The following ACOT11 variants were observed in gnomAD, a reference collection of about 807,000 sequenced individuals.
ACOT11 encodes acyl-CoA thioesterase 11, also known as acyl-coenzyme A thioesterase 11.
Under a neutral mutation model 77.5 loss-of-function variants are expected in ACOT11, and 69 were observed. The ratio of observed to expected loss-of-function variants is 0.89; its 90% confidence interval spans 0.73 to 1.09. The LOEUF is 1.09. Among genes scored for constraint, ACOT11 ranks in the 50% least tolerant of loss-of-function variants. ACOT11 has a pLI of 0.00. For synonymous variants in ACOT11, 279 were observed against 313.0 expected (o/e 0.89, Z 1.15); for missense variants, 766 against 813.7 (o/e 0.94, Z 0.71).
intron 1 of ACOT11, among the ~76,000 whole-genome samples, chr1:54,575,852 G>A (rs1341004361): frequency 1.3e-5 from 2 of 152,234 alleles, no homozygotes; most frequent in African/African-American, 4.8e-5. Context: ...CCAGTGCTGG[G>A]AGATGGCAAG....
At chr1:54,619,704 G>A (rs1482201063) in intron 15 of ACOT11, among the ~76,000 whole-genome samples, 5 of 152,154 alleles carry the variant, frequency 3.3e-5, no homozygotes, top group Non-Finnish European at 7.3e-5. Flanking sequence ...ACAACCTTGA[G>A]CTGGTCACTT....
chr1:54,557,865 TTC>T (rs541759718), intron 1 of ACOT11, among the ~76,000 whole-genome samples: 116 of 152,322 alleles, frequency 7.6e-4, no homozygotes, highest in African/African-American at 2.6e-3. Flanking sequence ...TGCCTTTTAT[TTC>T]TCTCTCTTGC....
At chr1:54,554,299 G>GTA (rs2100936751) in intron 1 of ACOT11, among the ~76,000 whole-genome samples, 1 of 64,526 alleles carries the variant, frequency 1.5e-5, no homozygotes, top group East Asian at 3.8e-4. Context: ...TAGTGTGTGT[G>GTA]TGTGTGTGTG....
At chr1:54,566,291 T>C (rs1653727603) in intron 1 of ACOT11, among the ~76,000 whole-genome samples, 1 of 152,116 alleles carries the variant, frequency 6.6e-6, no homozygotes, top group Non-Finnish European at 1.5e-5. Context: ...ACCCCATCTC[T>C]ACTAAAAATA....
intron 1 of ACOT11, among the ~76,000 whole-genome samples, chr1:54,571,052 A>G (rs1335840456): frequency 6.8e-6 from 1 of 146,308 alleles, no homozygotes; most frequent in Non-Finnish European, 1.5e-5. Flanking sequence ...TTGAATCCCA[A>G]TTATGATATT....
intron 1 of ACOT11, among the ~76,000 whole-genome samples, chr1:54,571,347 G>A (rs1022583149): frequency 6.6e-6 from 1 of 152,192 alleles, no homozygotes; most frequent in South Asian, 2.1e-4. Flanking sequence ...CTCTGAGACA[G>A]TGTAGGAAAA....
At chr1:54,585,774 T>G in intron 2 of ACOT11, 61 bp from the exon 3 acceptor site, 1 of 1,580,822 alleles carries the variant, frequency 6.3e-7, no homozygotes, top group Non-Finnish European at 8.7e-7. Context: ...AGGTGCCATC[T>G]GAGCAGAGGC....
chr1:54,573,375 T>TG, intron 1 of ACOT11: 1 of 320,368 alleles, frequency 3.1e-6, no homozygotes, highest in Non-Finnish European at 4.5e-6. Context: ...ATCTGTAAAA[T>TG]GGGAATAATA....
At chr1:54,617,461 TA>T (rs35936174) in intron 15 of ACOT11, among the ~76,000 whole-genome samples, 41,058 of 133,814 alleles carry the variant, frequency 0.31, 6,198 homozygotes, top group South Asian at 0.45. Flanking sequence ...CACTTTCTGT[TA>T]AAAAAAAAAA....
intron 15 of ACOT11, among the ~76,000 whole-genome samples, chr1:54,625,019 G>A (rs539497117): frequency 1.3e-5 from 2 of 152,026 alleles, no homozygotes; most frequent in Admixed American, 1.3e-4. Flanking sequence ...GCTGGTCGGG[G>A]CATGTGTGGT....
intron 15 of ACOT11, chr1:54,623,360 G>C (rs1557676085): frequency 6.2e-7 from 1 of 1,613,894 alleles, no homozygotes; most frequent in Admixed American, 1.7e-5. Context: ...ACACCCACTT[G>C]ACCTGATTCT....
At chr1:54,563,656 C>G (rs12562464) in intron 1 of ACOT11, among the ~76,000 whole-genome samples, 19 of 152,272 alleles carry the variant, frequency 1.2e-4, no homozygotes, top group African/African-American at 4.1e-4. Context: ...GGCTCAGTGG[C>G]TCATGCCTGT....
intron 1 of ACOT11, among the ~76,000 whole-genome samples, chr1:54,549,091 T>C (rs558726353): frequency 3.3e-5 from 5 of 152,106 alleles, no homozygotes; most frequent in Non-Finnish European, 5.9e-5. Context: ...AAATGTCTTA[T>C]CTATCCTCTC....
intron 1 of ACOT11, among the ~76,000 whole-genome samples, chr1:54,568,593 A>G (rs1252062469): frequency 6.6e-6 from 1 of 151,488 alleles, no homozygotes; most frequent in East Asian, 1.9e-4. Context: ...CCAGCTCCCA[A>G]CCTCAGGTGA....
intron 15 of ACOT11, chr1:54,623,266 G>A (rs1297899688): frequency 6.9e-6 from 11 of 1,596,232 alleles, no homozygotes; most frequent in Non-Finnish European, 9.4e-6. Flanking sequence ...TGACATGGGG[G>A]GAGGCACCTA....
chr1:54,562,815 C>T lies in ACOT11; in HGVS notation c.33+14473C>T, dbSNP rs1196852614. On this transcript the variant is annotated intron_variant, in intron 1 of 15. Transcript: ENST00000343744. ...CCCCACATCTCAGACGATGGGCGGC[C>T]GGGCAGAGACGCTCCTCACTTCCTA... Among the ~76,000 whole-genome samples, 23 of 107,202 alleles carry T rather than the reference C, an allele frequency of 2.1e-4. 1 individual carries two copies. The highest frequency in any genetic ancestry group is 8.7e-4 in the African/African-American group (23 of 26,444). The allele number at this position is 107,202 out of a possible 152,430, so 70.3% of individuals were successfully genotyped here.
In ACOT11 at chr1:54,584,528, G is replaced by A; in HGVS notation, c.34-127G>A. The A allele has an allele frequency of 2.4e-6, 2 of 845,438 alleles. No individual in the cohort carries two copies. Among genetic ancestry groups the A allele is most frequent in the Non-Finnish European group, 1.8e-6 (1 of 544,410 alleles). The allele number at this position is 845,438 out of a possible 1,614,324, so 52.4% of individuals were successfully genotyped here. A position where few individuals can be genotyped will look rare whatever the true frequency, so the allele number is the denominator to read the frequency against. On this transcript the variant is annotated intron_variant, in intron 1 of 15. Transcript: ENST00000343744. This position sits in a 1 kb window ranked among gnomAD's most constrained non-coding sequence, Gnocchi z 6.3. ...GGGTGGTGACCACTCTCGGGTTGGG[G>A]TCTGGTGGGAGGTGGCCCTAGGTAC...
At chr1:54,625,016 G>A (rs797022507) in intron 15 of ACOT11, among the ~76,000 whole-genome samples, 4 of 152,140 alleles carry the variant, frequency 2.6e-5, no homozygotes, top group East Asian at 3.9e-4. Flanking sequence ...TTGGCTGGTC[G>A]GGGCATGTGT....
rs757623592 is a variant in ACOT11 at position 54,607,988 on chromosome 1, CG to C, written c.1550del (p.Arg517GlnfsTer25). On this transcript the variant is annotated frameshift_variant, in exon 15 of 16. Coordinates refer to ENST00000343744, the MANE Select transcript of ACOT11 (RefSeq NM_147161.4). LOFTEE classifies it high-confidence loss of function. This position sits in a 1 kb window ranked among gnomAD's most constrained non-coding sequence, Gnocchi z 4.5. ...ALRSVTLPTH[R>X]ETPEYRRGET... ...GAGGTCGGTCACGCTGCCCACACACCGAGAGACGCCAGAGTACAGACGCGGA... is the reference window on the plus strand; with the variant it reads ...GAGGTCGGTCACGCTGCCCACACACCAGAGACGCCAGAGTACAGACGCGGA... The C allele has an allele frequency of 5.1e-5, 83 of 1,613,966 alleles. No homozygotes were observed. In the African/African-American group the frequency reaches 9.5e-4, roughly 18 times the overall value.
Sources: allele counts gnomAD v4.1 joint callset (sites outside exome capture counted in the v4.1 genomes callset), GRCh38; gene constraint gnomAD v4.1.1; non-coding constraint Gnocchi (gnomAD v3.1); transcripts MANE v1.5; gene names NCBI Gene and HGNC (gene_info 2026-07-23, HGNC 2026-07-21).